B4GALT6: variants seen among roughly 807,000 people sequenced by gnomAD.
B4GALT6 encodes the protein UDP-Gal:beta-GlcNAc beta-1,4-galactosyltransferase 6.
A neutral mutation model predicts 46.3 loss-of-function variants in B4GALT6; 14 were observed. That is an observed-to-expected ratio of 0.30 (90% CI 0.20 to 0.47). The LOEUF is 0.47. B4GALT6 is among the 20% of genes least tolerant of loss of function. The pLI, the probability that B4GALT6 is intolerant of heterozygous loss-of-function variation, is 0.99. For synonymous variants in B4GALT6, 168 were observed against 162.0 expected (o/e 1.04, Z -0.28); for missense variants, 386 against 480.1 (o/e 0.80, Z 1.83).
chr18:31,671,283 C>T (rs1405495646), intron 1 of B4GALT6, among the ~76,000 whole-genome samples: 1 of 152,124 alleles, frequency 6.6e-6, no homozygotes, highest in Non-Finnish European at 1.5e-5. Context: ...TGCTGGGTCA[C>T]ACGGTATTTC....
the B4GALT6 span, chr18:31,724,365 G>A: frequency 2.9e-6 from 3 of 1,032,416 alleles, no homozygotes; most frequent in Non-Finnish European, 2.5e-6. Context: ...TCCAGGACCC[G>A]CTCCAGCTGA....
chr18:31,660,981 A>G (rs555154033), intron 2 of B4GALT6, among the ~76,000 whole-genome samples: 2 of 152,334 alleles, frequency 1.3e-5, no homozygotes, highest in South Asian at 4.1e-4. Context: ...AGACAATGGC[A>G]TGGGAATTTT....
At chr18:31,694,073 A>T in the B4GALT6 span, among the ~76,000 whole-genome samples, 1 of 152,268 alleles carries the variant, frequency 6.6e-6, no homozygotes, top group African/African-American at 2.4e-5. Context: ...ACCAAGCTAG[A>T]GAATTATAAT....
chr18:31,672,309 A>G (rs1011099056), intron 1 of B4GALT6, among the ~76,000 whole-genome samples: 1 of 152,216 alleles, frequency 6.6e-6, no homozygotes, highest in Non-Finnish European at 1.5e-5. Flanking sequence ...GCAATCTGGG[A>G]TGCAGTTATA....
chr18:31,630,305 G>T (rs1186616210), intron 6 of B4GALT6, among the ~76,000 whole-genome samples: 1 of 152,018 alleles, frequency 6.6e-6, no homozygotes, highest in Non-Finnish European at 1.5e-5. Context: ...TGAAAACTGT[G>T]ATCCTTTTCC....
intron 3 of B4GALT6, among the ~76,000 whole-genome samples, chr18:31,645,717 A>G (rs926566342): frequency 6.6e-6 from 1 of 152,192 alleles, no homozygotes; most frequent in African/African-American, 2.4e-5. Flanking sequence ...TTCTTTTTAA[A>G]AACCGTTTTG....
rs200653957 is a variant in B4GALT6, at chr18:31,684,280, C to G, written c.115+32G>C. The G allele has an allele frequency of 1.1e-4, 178 of 1,612,036 alleles. No homozygotes were observed. The African/African-American group carries it at 2.2e-3, about 20-fold the overall frequency. On this transcript the variant is annotated intron_variant, in intron 1 of 8. Transcript: ENST00000306851. ...CAGCCTGCGCTGGCTGTGGTGTGACCAGGGGAAGCGAGGGTGTGTCTCGGT... is the reference window on the plus strand; with the variant it reads ...CAGCCTGCGCTGGCTGTGGTGTGACGAGGGGAAGCGAGGGTGTGTCTCGGT...
chr18:31,698,801 G>T, the B4GALT6 span, among the ~76,000 whole-genome samples: 1 of 152,088 alleles, frequency 6.6e-6, no homozygotes, highest in South Asian at 2.1e-4. Flanking sequence ...CGGGCACAGT[G>T]ACTCATGCCT....
chr18:31,656,917 T>A lies in B4GALT6; in HGVS notation c.346+1059A>T, dbSNP rs145081072. Among the ~76,000 whole-genome samples, 1,116 of 151,970 alleles carry A rather than the reference T, an allele frequency of 7.3e-3. 11 individuals are homozygous for A. Among genetic ancestry groups the A allele is most frequent in the African/African-American group, 0.025 (1,054 of 41,438 alleles). ...GAGAGAAAATTTAAAAACACAAACA[T>A]AGGAAAACTTACTCAAACCCACCAG... On this transcript the variant is annotated intron_variant, in intron 3 of 8. Transcript: ENST00000306851.
intron 2 of B4GALT6, among the ~76,000 whole-genome samples, 193 bp downstream of exon 2, chr18:31,666,063 T>C (rs1040205339): frequency 2.0e-5 from 3 of 152,244 alleles, no homozygotes; most frequent in African/African-American, 7.2e-5. Context: ...CCTCATCACT[T>C]TTGTGACCAC....
intron 3 of B4GALT6, among the ~76,000 whole-genome samples, chr18:31,651,392 A>G (rs1220537107): frequency 6.6e-6 from 1 of 152,022 alleles, no homozygotes; most frequent in East Asian, 1.9e-4. Flanking sequence ...TTGTGACTCC[A>G]CCAGGGTGGG....
Position 31,625,445 on chromosome 18 carries a change from G to A in B4GALT6, c.*169C>T, listed in dbSNP as rs1235545309. On this transcript the variant is annotated 3_prime_UTR_variant, in exon 9 of 9. Transcript: ENST00000306851. The stretch of plus-strand genomic sequence containing the variant: ...GTGTGTCTCAGAGCAGGGAGGACGG[G>A]TGAGAGAAGGGTGACTGTATATAGT... 6.2e-5 allele frequency: 39 copies of A among 629,574 alleles called. No individual in the cohort carries two copies. Among genetic ancestry groups the A allele is most frequent in the Non-Finnish European group, 9.3e-5 (36 of 388,320 alleles). The allele number at this position is 629,574 out of a possible 1,614,324, so 39.0% of individuals were successfully genotyped here.
In B4GALT6 at chr18:31,638,680, C is replaced by T. The variant is rs2144549461; in HGVS notation, c.552G>A (p.Lys184=). The T allele has an allele frequency of 6.2e-7, 1 of 1,614,076 alleles. No individual in the cohort carries two copies. The highest frequency in any genetic ancestry group is 2.2e-5 in the East Asian group (1 of 44,882). Residue 184 remains lysine (K), a synonymous_variant, in exon 5 of 9, where the codon AAG becomes AAA. Coordinates refer to ENST00000306851, the MANE Select transcript of B4GALT6 (RefSeq NM_004775.5). ...CATAAAACGCAAATTCCAGCCGCTG[C>T]TTCTGGAGCATTGGAATCAGATGTA... ...FFLHLIPMLQ[K]QRLEFAFYVI...
intron 6 of B4GALT6, among the ~76,000 whole-genome samples, chr18:31,628,883 A>G (rs1399776588): frequency 6.6e-6 from 1 of 152,232 alleles, no homozygotes; most frequent in Non-Finnish European, 1.5e-5. Context: ...CCACTGATAT[A>G]CAATTTCTTT....
chr18:31,713,374 A>G, the B4GALT6 span, among the ~76,000 whole-genome samples: 1 of 152,166 alleles, frequency 6.6e-6, no homozygotes, highest in Non-Finnish European at 1.5e-5. Context: ...AAAATAAGTT[A>G]CTTTCTAAAT....
chr18:31,646,600 T>G (rs1485436820), intron 3 of B4GALT6, among the ~76,000 whole-genome samples: 1 of 152,208 alleles, frequency 6.6e-6, no homozygotes, highest in East Asian at 1.9e-4. Flanking sequence ...TCTGACCTCA[T>G]CTCATAAAAT....
intron 3 of B4GALT6, among the ~76,000 whole-genome samples, chr18:31,646,737 A>C (rs950734626): frequency 7.2e-5 from 11 of 152,188 alleles, no homozygotes; most frequent in African/African-American, 2.7e-4. Flanking sequence ...ATATTTTAGG[A>C]GTTTTCACAA....
chr18:31,674,714 C>A (rs1183709795), intron 1 of B4GALT6, among the ~76,000 whole-genome samples: 2 of 152,076 alleles, frequency 1.3e-5, no homozygotes, highest in African/African-American at 4.8e-5. Context: ...AATATGTTAT[C>A]TTCAATAACA....
the B4GALT6 span, among the ~76,000 whole-genome samples, chr18:31,712,711 C>T: frequency 6.6e-6 from 1 of 152,190 alleles, no homozygotes; most frequent in Non-Finnish European, 1.5e-5. Context: ...GTTGTGCTCA[C>T]ATTTACATCC....
Sources: allele counts gnomAD v4.1 joint callset (sites outside exome capture counted in the v4.1 genomes callset), GRCh38; gene constraint gnomAD v4.1.1; transcripts MANE v1.5; gene names NCBI Gene and HGNC (gene_info 2026-07-23, HGNC 2026-07-21).